The following ARB2A variants were observed in gnomAD, a reference collection of about 807,000 sequenced individuals.
ARB2A encodes cotranscriptional regulator ARB2A.
chr5:93,978,307 T>G, the ARB2A span, among the ~76,000 whole-genome samples: 1 of 152,154 alleles, frequency 6.6e-6, no homozygotes, highest in Admixed American at 6.5e-5. Flanking sequence ...AAAAGATACC[T>G]GCACTCATAT....
At chr5:93,848,390 A>C in the ARB2A span, among the ~76,000 whole-genome samples, 1 of 150,754 alleles carries the variant, frequency 6.6e-6, no homozygotes, top group Non-Finnish European at 1.5e-5. Context: ...TAAAGATTAA[A>C]AAAAAAAAAA....
the ARB2A span, among the ~76,000 whole-genome samples, chr5:94,031,322 G>A: frequency 6.6e-6 from 1 of 152,172 alleles, no homozygotes. Context: ...CCATTTTGAT[G>A]AGGTCTCAAA....
At chr5:93,835,673 G>T in the ARB2A span, among the ~76,000 whole-genome samples, 1 of 152,044 alleles carries the variant, frequency 6.6e-6, no homozygotes, top group African/African-American at 2.4e-5. Context: ...ACATACCTAT[G>T]TCACTAATTT....
At chr5:93,897,527 G>A in the ARB2A span, among the ~76,000 whole-genome samples, 3 of 151,848 alleles carry the variant, frequency 2.0e-5, no homozygotes, top group African/African-American at 7.2e-5. Context: ...AGAGACTGTG[G>A]TCATTTGCTA....
the ARB2A span, among the ~76,000 whole-genome samples, chr5:93,631,819 G>T: frequency 0.012 from 1,886 of 151,492 alleles, 48 homozygotes; most frequent in African/African-American, 0.041. Context: ...GAGAGGGGAG[G>T]GGGGAGAGAG....
the ARB2A span, chr5:93,964,505 A>G: frequency 6.3e-7 from 1 of 1,582,894 alleles, no homozygotes. Flanking sequence ...AGGAGCTCAT[A>G]TACATACTTC....
At chr5:93,850,370 C>A in the ARB2A span, among the ~76,000 whole-genome samples, 15 of 152,174 alleles carry the variant, frequency 9.9e-5, no homozygotes, top group Admixed American at 2.0e-4. Context: ...AGAACCTTAG[C>A]TGTGAGAAGT....
the ARB2A span, chr5:93,824,077 CAACAG>C: frequency 3.0e-6 from 4 of 1,312,562 alleles, no homozygotes; most frequent in Non-Finnish European, 4.0e-6. Context: ...GTATTGATAC[CAACAG>C]AAAGAAAGGA....
At chr5:93,918,360 G>A in the ARB2A span, among the ~76,000 whole-genome samples, 2 of 151,150 alleles carry the variant, frequency 1.3e-5, no homozygotes, top group Admixed American at 1.3e-4. Context: ...TGTAGGACAT[G>A]AAGAAGTAAC....
the ARB2A span, among the ~76,000 whole-genome samples, chr5:93,831,477 C>T: frequency 6.6e-6 from 1 of 152,084 alleles, no homozygotes; most frequent in Non-Finnish European, 1.5e-5. Context: ...AAGCCCTAGA[C>T]AAAACTCAGT....
At chr5:94,064,782 C>T in the ARB2A span, among the ~76,000 whole-genome samples, 1 of 152,086 alleles carries the variant, frequency 6.6e-6, no homozygotes, top group African/African-American at 2.4e-5. Flanking sequence ...CTTTCCCAAA[C>T]AAGCAAAAAC....
chr5:93,938,938 T>C, the ARB2A span, among the ~76,000 whole-genome samples: 2 of 152,044 alleles, frequency 1.3e-5, no homozygotes, highest in Non-Finnish European at 2.9e-5. Flanking sequence ...AAAAGTTTAA[T>C]GAAAAGACAA....
the ARB2A span, among the ~76,000 whole-genome samples, chr5:93,742,648 C>T: frequency 1.3e-5 from 2 of 152,256 alleles, no homozygotes; most frequent in African/African-American, 2.4e-5. Flanking sequence ...GTGGCTCTGT[C>T]CCCACCCACA....
At chr5:93,923,420 AT>A in the ARB2A span, among the ~76,000 whole-genome samples, 1 of 151,950 alleles carries the variant, frequency 6.6e-6, no homozygotes, top group African/African-American at 2.4e-5. Context: ...AGTCAACTGT[AT>A]TTTTTTATTA....
the ARB2A span, among the ~76,000 whole-genome samples, chr5:94,041,425 G>A: frequency 1.3e-5 from 2 of 151,872 alleles, no homozygotes; most frequent in African/African-American, 4.8e-5. Flanking sequence ...TCCAATTCCT[G>A]GCTTAGGGAA....
the ARB2A span, among the ~76,000 whole-genome samples, chr5:93,804,442 C>T: frequency 2.6e-5 from 4 of 151,852 alleles, no homozygotes; most frequent in Non-Finnish European, 5.9e-5. Flanking sequence ...TTTTAATAGA[C>T]TCTTATTATA....
chr5:93,625,725 ATG>A, the ARB2A span, among the ~76,000 whole-genome samples: 17 of 152,342 alleles, frequency 1.1e-4, 1 homozygote, highest in East Asian at 3.3e-3. Flanking sequence ...AATTGCTAAA[ATG>A]TGTCATTTGT....
At chr5:93,932,231 T>C in the ARB2A span, among the ~76,000 whole-genome samples, 121 of 152,308 alleles carry the variant, frequency 7.9e-4, no homozygotes, top group African/African-American at 2.7e-3. Context: ...TTCAGGAATT[T>C]TTGTGAGTCA....
chr5:93,742,505 C>T, the ARB2A span, among the ~76,000 whole-genome samples: 1 of 152,146 alleles, frequency 6.6e-6, no homozygotes, highest in African/African-American at 2.4e-5. Flanking sequence ...CAGTTGTGGG[C>T]CCTGTGTGCA....
Sources: allele counts gnomAD v4.1 joint callset (sites outside exome capture counted in the v4.1 genomes callset), GRCh38; gene constraint gnomAD v4.1.1; transcripts MANE v1.5; gene names NCBI Gene and HGNC (gene_info 2026-07-23, HGNC 2026-07-21).